Variants in CACNA1E observed in about 807,000 individuals in gnomAD.
CACNA1E encodes the protein voltage-dependent R-type calcium channel subunit alpha-1E.
A neutral mutation model predicts 259.2 loss-of-function variants in CACNA1E; 40 were observed. The observed-to-expected ratio is 0.15, with a 90% confidence interval of 0.12 to 0.20. The LOEUF is 0.20. Ranked by LOEUF, CACNA1E falls within the 10% of genes least tolerant of loss-of-function variation. The pLI is 1.00. For missense variants in CACNA1E, 1,874 were observed against 3,040.1 expected (o/e 0.62, Z 9.02); for synonymous variants, 1,104 against 1,138.5 (o/e 0.97, Z 0.61).
At chr1:181,767,487 G>A (rs967760118) in intron 35 of CACNA1E, among the ~76,000 whole-genome samples, 2 of 152,224 alleles carry the variant, frequency 1.3e-5, no homozygotes, top group South Asian at 4.1e-4. Flanking sequence ...CTGCAGTCAG[G>A]CAGTCTGGCT....
chr1:181,724,665 T>C (rs1482713593), intron 17 of CACNA1E, 128 bp downstream of exon 17: 8 of 721,926 alleles, frequency 1.1e-5, no homozygotes, highest in Admixed American at 9.6e-5. Context: ...TCTGGAAACT[T>C]CTGGACAGTT....
At position 181,739,040 on chromosome 1, in the gene CACNA1E, G is replaced by T; in HGVS notation, c.3613-107G>T. 3.9e-6 allele frequency: 3 copies of T among 770,868 alleles called. No individual in the cohort carries two copies. In the South Asian group the frequency reaches 4.2e-5, roughly 11 times the overall value. 47.8% of individuals were successfully genotyped at this position (770,868 alleles called of 1,614,324 possible). ...ATTCTCCAGGTCCTAGCATAGGGTT[G>T]GTTGTGGAGACAGTGGCAGTGGGGG... On this transcript the variant is annotated intron_variant, in intron 24 of 47. Transcript: ENST00000367573.
intron 6 of CACNA1E, among the ~76,000 whole-genome samples, chr1:181,594,033 T>A (rs1423136837): frequency 6.6e-6 from 1 of 152,204 alleles, no homozygotes; most frequent in Non-Finnish European, 1.5e-5. Context: ...AATGTTAGTG[T>A]CCTTTCCTGG....
At chr1:181,533,329 G>A (rs914280548) in intron 3 of CACNA1E, among the ~76,000 whole-genome samples, 2 of 146,714 alleles carry the variant, frequency 1.4e-5, no homozygotes, top group Non-Finnish European at 3.0e-5. Flanking sequence ...AGTATGTGAG[G>A]TATGACTATA....
chr1:181,442,119 G>C (rs1399506701), intron 2 of CACNA1E, among the ~76,000 whole-genome samples: 2 of 152,168 alleles, frequency 1.3e-5, no homozygotes, highest in Non-Finnish European at 2.9e-5. Context: ...CTTGGGGCAT[G>C]GGGAGAGGAG....
At chr1:181,566,455 G>A (rs539676764) in intron 3 of CACNA1E, among the ~76,000 whole-genome samples, 5 of 152,354 alleles carry the variant, frequency 3.3e-5, no homozygotes, top group African/African-American at 1.2e-4. Context: ...TCTCCTAGCT[G>A]TGTCTGAGTG....
At chr1:181,753,459 T>TG (rs1277573486) in intron 27 of CACNA1E, among the ~76,000 whole-genome samples, 2 of 152,232 alleles carry the variant, frequency 1.3e-5, no homozygotes, top group African/African-American at 4.8e-5. Flanking sequence ...AGAAGCTATA[T>TG]GACCCAGGGC....
At chr1:181,653,156 C>T (rs1284434960) in intron 7 of CACNA1E, among the ~76,000 whole-genome samples, 1 of 152,044 alleles carries the variant, frequency 6.6e-6, no homozygotes, top group Non-Finnish European at 1.5e-5. Context: ...GTGAGAGAAA[C>T]TTCATTTTCT....
At chr1:181,635,278 G>A (rs1572441565) in intron 6 of CACNA1E, among the ~76,000 whole-genome samples, 1 of 152,296 alleles carries the variant, frequency 6.6e-6, no homozygotes, top group East Asian at 1.9e-4. Context: ...TAGAGAAGGG[G>A]TTGTGGGAGG....
At position 181,731,701 on chromosome 1, in the gene CACNA1E, C is replaced by G. The variant is rs532280803; in HGVS notation, c.2297+470C>G. Among the ~76,000 whole-genome samples, 77 of 152,194 alleles carry G rather than the reference C, an allele frequency of 5.1e-4. 1 individual carries two copies. Among genetic ancestry groups the G allele is most frequent in the African/African-American group, 1.8e-3 (74 of 41,522 alleles). Reference sequence around the variant, plus strand: ...CTGCACTTGTCATGTTCATGATTTCCCGCTGCCCCATGAATGCTCCTCTAG... The same window carrying G: ...CTGCACTTGTCATGTTCATGATTTCGCGCTGCCCCATGAATGCTCCTCTAG... On this transcript the variant is annotated intron_variant, in intron 19 of 47. Coordinates refer to ENST00000367573, the MANE Select transcript of CACNA1E (RefSeq NM_001205293.3).
At chr1:181,708,665 C>T (rs1653036607) in intron 7 of CACNA1E, among the ~76,000 whole-genome samples, 1 of 152,190 alleles carries the variant, frequency 6.6e-6, no homozygotes, top group Admixed American at 6.5e-5. Flanking sequence ...GCATGAAGGA[C>T]TTGGGCTCTT....
chr1:181,669,732 A>C (rs531894107), intron 7 of CACNA1E, among the ~76,000 whole-genome samples: 1 of 152,316 alleles, frequency 6.6e-6, no homozygotes, highest in African/African-American at 2.4e-5. Flanking sequence ...GTCTGTATTC[A>C]TCAGAAATTT....
intron 18 of CACNA1E, among the ~76,000 whole-genome samples, chr1:181,729,138 C>A (rs1332202951): frequency 1.4e-5 from 2 of 140,046 alleles, no homozygotes; most frequent in Non-Finnish European, 3.1e-5. Context: ...GCTGTGTGTG[C>A]CCTGCACAGA....
At chr1:181,499,772 C>G (rs1665086698) in intron 1 of CACNA1E, among the ~76,000 whole-genome samples, 1 of 152,176 alleles carries the variant, frequency 6.6e-6, no homozygotes, top group South Asian at 2.1e-4. Context: ...TTTTGAAAAG[C>G]TTTCCAGGTG....
intron 1 of CACNA1E, among the ~76,000 whole-genome samples, chr1:181,404,232 C>T (rs1169692253): frequency 6.6e-6 from 1 of 152,148 alleles, no homozygotes; most frequent in African/African-American, 2.4e-5. Context: ...AACATAATGC[C>T]TACTACAGTT....
At chr1:181,440,842 G>T (rs1483904834) in intron 2 of CACNA1E, among the ~76,000 whole-genome samples, 1 of 151,878 alleles carries the variant, frequency 6.6e-6, no homozygotes, top group Admixed American at 6.6e-5. Context: ...AAAATTAGCT[G>T]GGTGTGGTGG....
chr1:181,638,035 T>A lies in CACNA1E; in HGVS notation c.952-13303T>A, dbSNP rs533340384. Among the ~76,000 whole-genome samples, 9 of 152,302 alleles carry A rather than the reference T, an allele frequency of 5.9e-5. 1 individual carries two copies. Among genetic ancestry groups the A allele is most frequent in the Admixed American group, 3.9e-4 (6 of 15,310 alleles). On this transcript the variant is annotated intron_variant, in intron 6 of 47. Coordinates refer to ENST00000367573, the MANE Select transcript of CACNA1E (RefSeq NM_001205293.3). Reference sequence around the variant, plus strand: ...GGTCAGTCATGGTAGGGGATTGGCATGGGCAAATTCCCATTTCAAGGTATT... The same window carrying A: ...GGTCAGTCATGGTAGGGGATTGGCAAGGGCAAATTCCCATTTCAAGGTATT...
chr1:181,616,666 A>G (rs1655245427), intron 6 of CACNA1E, among the ~76,000 whole-genome samples: 1 of 152,160 alleles, frequency 6.6e-6, no homozygotes, highest in South Asian at 2.1e-4. Flanking sequence ...GTGAGCTGAG[A>G]TCGCACCACT....
chr1:181,380,455 G>A (rs552922693), intron 1 of CACNA1E, among the ~76,000 whole-genome samples: 15 of 152,092 alleles, frequency 9.9e-5, no homozygotes, highest in Non-Finnish European at 1.9e-4. Flanking sequence ...AAGTCCGATA[G>A]CAAAACCAGA....
Sources: gnomAD v4.1 joint callset for allele counts (sites outside exome capture counted in the v4.1 genomes callset) on GRCh38, gnomAD v4.1.1 for gene constraint, MANE v1.5 for transcripts, NCBI Gene and HGNC (gene_info 2026-07-23, HGNC 2026-07-21) for gene names.